CSMD2: variants seen among roughly 807,000 people sequenced by gnomAD.
The protein encoded by CSMD2 is CUB and sushi domain-containing protein 2.
CSMD2 carries 130 observed loss-of-function variants against 398.5 expected under a neutral mutation model. The observed-to-expected ratio is 0.33, with a 90% CI of 0.28 to 0.38. The LOEUF (loss-of-function observed/expected upper bound fraction) is 0.38, where lower values mean the gene tolerates loss of function less well. Ranked by LOEUF, CSMD2 falls within the 10% of genes least tolerant of loss-of-function variation. CSMD2 has a pLI of 1.00. For missense variants in CSMD2, 3,829 were observed against 4,764.9 expected (o/e 0.80, Z 5.78); for synonymous variants, 1,828 against 1,908.5 (o/e 0.96, Z 1.10).
At chr1:33,960,551 G>A (rs534894365) in intron 3 of CSMD2, among the ~76,000 whole-genome samples, 2 of 152,230 alleles carry the variant, frequency 1.3e-5, no homozygotes, top group Non-Finnish European at 2.9e-5. Context: ...AGGGGCTCAT[G>A]GTGTTGTGGG....
intron 40 of CSMD2, among the ~76,000 whole-genome samples, chr1:33,611,571 T>G (rs1242487249): frequency 6.6e-6 from 1 of 152,236 alleles, no homozygotes. Flanking sequence ...ATGTCCAATA[T>G]CAGCATAAAG....
chr1:33,859,644 G>T (rs1639344049), intron 5 of CSMD2, among the ~76,000 whole-genome samples: 1 of 152,242 alleles, frequency 6.6e-6, no homozygotes, highest in African/African-American at 2.4e-5. Flanking sequence ...GAGGGTAAAT[G>T]CAACCAGTGA....
intron 1 of CSMD2, among the ~76,000 whole-genome samples, chr1:34,158,712 A>G (rs1388102604): frequency 6.6e-6 from 1 of 152,176 alleles, no homozygotes; most frequent in Non-Finnish European, 1.5e-5. Flanking sequence ...AATGGTAACA[A>G]TGGGCCCAGC....
Position 33,818,370 on chromosome 1 carries a change from G to T in CSMD2, c.1324+1343C>A, listed in dbSNP as rs962212214. On this transcript the variant is annotated intron_variant, in intron 9 of 70. Transcript: ENST00000373381. The stretch of plus-strand genomic sequence containing the variant: ...GGCAGTGAACAAAACAGAAGTCCTT[G>T]CCCTATAGAGCTCATGTTCTACTGG... 1.3e-5 allele frequency among the ~76,000 whole-genome samples: 2 copies of T among 152,150 alleles called. 1 individual carries two copies. Among genetic ancestry groups the T allele is most frequent in the Admixed American group, 1.3e-4 (2 of 15,274 alleles).
At chr1:34,065,482 T>C (rs1052743058) in intron 2 of CSMD2, among the ~76,000 whole-genome samples, 1 of 152,020 alleles carries the variant, frequency 6.6e-6, no homozygotes, top group African/African-American at 2.4e-5. Context: ...TCTACAAGGG[T>C]ACCACCAGCC....
chr1:33,690,842 C>A (rs1284815465), intron 25 of CSMD2, among the ~76,000 whole-genome samples: 1 of 152,162 alleles, frequency 6.6e-6, no homozygotes, highest in Non-Finnish European at 1.5e-5. Flanking sequence ...ATGAATCAGG[C>A]AGAGACCACA....
At chr1:33,634,872 G>A (rs990572670) in intron 31 of CSMD2, among the ~76,000 whole-genome samples, 1 of 152,030 alleles carries the variant, frequency 6.6e-6, no homozygotes, top group Non-Finnish European at 1.5e-5. Flanking sequence ...CTCACCCTGG[G>A]TTCCTAACAG....
chr1:33,709,400 T>C, intron 21 of CSMD2, 142 bp from the exon 22 acceptor site: 1 of 652,448 alleles, frequency 1.5e-6, no homozygotes, highest in East Asian at 2.7e-5. Context: ...TGTCCAGTTG[T>C]TGGACTGTCT....
intron 4 of CSMD2, among the ~76,000 whole-genome samples, chr1:33,934,000 A>T (rs1644389672): frequency 6.6e-6 from 1 of 152,160 alleles, no homozygotes; most frequent in Non-Finnish European, 1.5e-5. Context: ...TGAACAATTA[A>T]TTATGTCTGC....
In CSMD2 at chr1:34,164,894, G is replaced by C. The variant is rs1011657224; in HGVS notation, c.187+17C>G. On this transcript the variant is annotated intron_variant, in intron 1 of 70. Transcript: ENST00000373381. The surrounding 1 kb of genome is among the most constrained non-coding windows in gnomAD (Gnocchi z 6.2). ...GGCGCGCGGCGGCCGCTGGCTCCTC[G>C]GCGCGGCTGGACTCACCCGCGGCGG... 16 of 1,218,616 alleles carry C rather than the reference G, an allele frequency of 1.3e-5. No individual in the cohort carries two copies. The highest frequency in any genetic ancestry group is 1.5e-5 in the Non-Finnish European group (15 of 979,690). The allele number at this position is 1,218,616 out of a possible 1,614,324, so 75.5% of individuals were successfully genotyped here.
intron 13 of CSMD2, among the ~76,000 whole-genome samples, chr1:33,766,986 G>A (rs377387961): frequency 1.3e-5 from 2 of 152,108 alleles, no homozygotes; most frequent in African/African-American, 4.8e-5. Flanking sequence ...TGTCCTGATC[G>A]GATAATGTCA....
At chr1:33,800,312 T>C (rs1462917242) in intron 10 of CSMD2, among the ~76,000 whole-genome samples, 3 of 152,006 alleles carry the variant, frequency 2.0e-5, no homozygotes, top group African/African-American at 7.3e-5. Context: ...GGGAGGCCAG[T>C]AGGAAGGCTG....
chr1:34,161,685 TG>T (rs1186320149), intron 1 of CSMD2, among the ~76,000 whole-genome samples: 6 of 152,144 alleles, frequency 3.9e-5, no homozygotes, highest in Non-Finnish European at 1.5e-5. Flanking sequence ...AGTGTCATCC[TG>T]GAGACAGAGG....
intron 2 of CSMD2, among the ~76,000 whole-genome samples, chr1:34,083,789 C>T (rs2148347436): frequency 6.6e-6 from 1 of 152,148 alleles, no homozygotes; most frequent in Non-Finnish European, 1.5e-5. Context: ...CGTGGGGGCT[C>T]ATGCCTGTAG....
chr1:33,779,554 C>G (rs1652432952), intron 12 of CSMD2, among the ~76,000 whole-genome samples: 1 of 152,184 alleles, frequency 6.6e-6, no homozygotes, highest in Non-Finnish European at 1.5e-5. Context: ...CCAGCCGCCC[C>G]TCAGATGGCT....
chr1:33,780,661 C>T (rs572034125), intron 12 of CSMD2, among the ~76,000 whole-genome samples: 10 of 152,286 alleles, frequency 6.6e-5, no homozygotes, highest in Middle Eastern at 3.4e-3. Context: ...AATTTTAATG[C>T]GGCAGCATCC....
chr1:33,783,900 C>T (rs976243567), intron 12 of CSMD2, among the ~76,000 whole-genome samples: 6 of 152,080 alleles, frequency 3.9e-5, no homozygotes, highest in Non-Finnish European at 7.4e-5. Flanking sequence ...ATTTGAGGGG[C>T]GAAGCCCATC....
chr1:33,874,420 A>G (rs1270909938), intron 5 of CSMD2, among the ~76,000 whole-genome samples: 1 of 152,246 alleles, frequency 6.6e-6, no homozygotes, highest in Non-Finnish European at 1.5e-5. Flanking sequence ...TTGATGGAAA[A>G]TGAACAATTG....
chr1:33,602,312 T>C (rs982947224), intron 43 of CSMD2, 57 bp downstream of exon 43: 46 of 1,578,860 alleles, frequency 2.9e-5, no homozygotes, highest in Non-Finnish European at 3.7e-5. Flanking sequence ...GGTAACCCAG[T>C]GTAGAACCCC....
Sources: allele counts gnomAD v4.1 joint callset (sites outside exome capture counted in the v4.1 genomes callset), GRCh38; gene constraint gnomAD v4.1.1; non-coding constraint Gnocchi (gnomAD v3.1); transcripts MANE v1.5; gene names NCBI Gene and HGNC (gene_info 2026-07-23, HGNC 2026-07-21).